CCDC187: variants seen among roughly 807,000 people sequenced by gnomAD.
CCDC187 encodes coiled-coil domain containing 187.
Under a neutral mutation model 38.0 loss-of-function variants are expected in CCDC187, and 32 were observed. That is an observed-to-expected ratio of 0.84 (90% confidence interval 0.64 to 1.13). The LOEUF (loss-of-function observed/expected upper bound fraction) is 1.13, where lower values mean the gene tolerates loss of function less well. Ranked by LOEUF, CCDC187 falls within the 50% of genes most tolerant of loss-of-function variation. The pLI is 0.00. For missense variants in CCDC187, 707 were observed against 786.8 expected (o/e 0.90, Z 1.21); for synonymous variants, 333 against 347.9 (o/e 0.96, Z 0.48).
chr9:136,281,385 A>G (rs1325966540), intron 10 of CCDC187, 166 bp downstream of exon 10: 3 of 398,458 alleles, frequency 7.5e-6, no homozygotes, highest in Non-Finnish European at 1.3e-5. Flanking sequence ...GGGTCCCGAA[A>G]GCCTCTAAAA....
rs1830780806 is a variant in CCDC187, at chr9:136,268,105, C to T, written c.3463G>A (p.Ala1155Thr). The T allele has an allele frequency of 1.0e-6, 1 of 985,502 alleles. No homozygotes were observed. Among genetic ancestry groups the T allele is most frequent in the Middle Eastern group, 5.2e-4 (1 of 1,914 alleles). The allele number at this position is 985,502 out of a possible 1,614,324, so 61.0% of individuals were successfully genotyped here. Residue 1155 changes from alanine to threonine, a missense_variant, in exon 15 of 26, where the codon GCC becomes ACC. Ala to Thr is a moderately conservative substitution (Grantham distance 58, BLOSUM62 0). Transcript: ENST00000638797. ...ASAEVEGPDG[A>T]LSQLPLAKFF... ...TTGGCCAGGGGAAGCTGGGAGAGGG[C>T]TCCGTCAGGGCCCTCCACCTCTGAG...
chr9:136,282,776 A>G (rs1451424616), intron 9 of CCDC187, among the ~76,000 whole-genome samples: 1 of 152,154 alleles, frequency 6.6e-6, no homozygotes, highest in African/African-American at 2.4e-5. Context: ...CCCCGCCCGC[A>G]TTCCTGGTGC....
chr9:136,303,179 C>A lies in CCDC187; in HGVS notation c.258G>T (p.Lys86Asn). Residue 86 changes from lysine (K) to asparagine (N), a missense_variant, in exon 2 of 26, where the codon AAG becomes AAT. Physicochemically the swap from Lys to Asn is moderately conservative, Grantham distance 94. Coordinates refer to ENST00000638797, the MANE Select transcript of CCDC187 (RefSeq NM_001378188.1). ...APHVVGSDDL[K>N]EPGPWGKACS... ...ACGCCTTCCCCCAGGGTCCTGGTTC[C>A]TTGAGGTCGTCAGACCCGACCACGT... The A allele has an allele frequency of 2.5e-6, 1 of 398,630 alleles. No individual in the cohort carries two copies. The highest frequency in any genetic ancestry group is 1.3e-4 in the South Asian group (1 of 7,846). 24.7% of individuals were successfully genotyped at this position (398,630 alleles called of 1,614,324 possible).
At chr9:136,303,331 G>A in intron 1 of CCDC187, 38 bp from the exon 2 acceptor site, 1 of 396,622 alleles carries the variant, frequency 2.5e-6, no homozygotes, top group Admixed American at 4.4e-5. Flanking sequence ...CAGACATGCA[G>A]GCGCAGAGGT....
chr9:136,250,824 G>A lies in CCDC187; in HGVS notation c.*2770C>T, dbSNP rs782731607. Reference sequence around the variant, plus strand: ...GCACCTGGGGCTAAGCAGCCGCCCCGGGGCTGGAGAAGGCAGGCTGGGTCC... The same window carrying A: ...GCACCTGGGGCTAAGCAGCCGCCCCAGGGCTGGAGAAGGCAGGCTGGGTCC... On this transcript the variant is annotated 3_prime_UTR_variant, in exon 26 of 26. Transcript: ENST00000638797. The A allele has an allele frequency of 8.1e-5, 37 of 456,120 alleles. No homozygotes were observed. Among genetic ancestry groups the A allele is most frequent in the Admixed American group, 1.9e-4 (8 of 42,568 alleles). The allele number at this position is 456,120 out of a possible 1,614,324, so 28.3% of individuals were successfully genotyped here. A position where few individuals can be genotyped will look rare whatever the true frequency, so the allele number is the denominator to read the frequency against.
Position 136,262,324 on chromosome 9 carries a change from A to C in CCDC187, c.4051T>G (p.Ser1351Ala). Residue 1351 changes from serine (S) to alanine (A), a missense_variant, in exon 19 of 26, where the codon TCA becomes GCA. Transcript: ENST00000638797. ...CAACCAACTCACCGCGTGGCCTTTG[A>C]GCTTGCGGGGCTGCTCTGGGGGCGA... ...SHRPQSSPAS[S>A]KATRPPTEQQ... The C allele has an allele frequency of 1.0e-6, 1 of 986,386 alleles. No individual in the cohort carries two copies. The highest frequency in any genetic ancestry group is 1.2e-6 in the Non-Finnish European group (1 of 830,788). The allele number at this position is 986,386 out of a possible 1,614,324, so 61.1% of individuals were successfully genotyped here. A position where few individuals can be genotyped will look rare whatever the true frequency, so the allele number is the denominator to read the frequency against.
At chr9:136,275,916 G>A (rs983131289) in intron 12 of CCDC187, among the ~76,000 whole-genome samples, 8 of 152,152 alleles carry the variant, frequency 5.3e-5, no homozygotes, top group Admixed American at 2.0e-4. Context: ...CCTGGGACAC[G>A]GACAGGTGGG....
rs1215598154 is a variant in CCDC187, at chr9:136,258,140, G to A, written c.4366+792C>T. Among the ~76,000 whole-genome samples, 1 of 152,162 alleles carries A rather than the reference G, an allele frequency of 6.6e-6. No homozygotes were observed. Among genetic ancestry groups the A allele is most frequent in the Non-Finnish European group, 1.5e-5 (1 of 68,018 alleles). ...AGGCCCGGAGGTGACGCGGGACACA[G>A]AGGGAAAGCGCTCTGTATTCACTCC... On this transcript the variant is annotated intron_variant, in intron 22 of 25. Transcript: ENST00000638797. This position sits in a 1 kb window ranked among gnomAD's most constrained non-coding sequence, Gnocchi z 4.3.
intron 14 of CCDC187, among the ~76,000 whole-genome samples, chr9:136,272,890 C>T (rs117259868): frequency 3.3e-5 from 5 of 152,132 alleles, no homozygotes; most frequent in Non-Finnish European, 7.4e-5. Flanking sequence ...ACAAACAAAA[C>T]ATTTAAAATA....
intron 14 of CCDC187, among the ~76,000 whole-genome samples, chr9:136,271,186 A>C (rs1307724939): frequency 6.6e-6 from 1 of 152,354 alleles, no homozygotes; most frequent in Non-Finnish European, 1.5e-5. Context: ...TTTGAAGAAA[A>C]TGAAAAATCC....
rs74717029 is a variant in CCDC187 at position 136,250,736 on chromosome 9, C to T, written c.*2858G>A. The T allele has an allele frequency of 8.2e-3, 3,734 of 456,162 alleles. 81 individuals are homozygous for T. Among genetic ancestry groups the T allele is most frequent in the African/African-American group, 0.055 (2,768 of 50,150 alleles). 28.3% of individuals were successfully genotyped at this position (456,162 alleles called of 1,614,324 possible). On this transcript the variant is annotated 3_prime_UTR_variant, in exon 26 of 26. Transcript: ENST00000638797. ...CTGGTGCAAAATCAGATGCATGGCC[C>T]GAGCTGGGCTTCCTGTGCACATGGT...
rs1831732891 is a variant in CCDC187 at position 136,303,224 on chromosome 9, G to A, written c.213C>T (p.Asp71=). ...CCACGTGGGGAGCTGCCCAGGGTGGGTCTGGCTGCTGGGAGGGCCCGGGCC... is the reference window on the plus strand; with the variant it reads ...CCACGTGGGGAGCTGCCCAGGGTGGATCTGGCTGCTGGGAGGGCCCGGGCC... ...LRWPGPSQQP[D]PPWAAPHVVG... The change falls in exon 2 of 26, where the codon GAC becomes GAT. Residue 71 remains aspartate, a synonymous_variant. Coordinates refer to ENST00000638797, the MANE Select transcript of CCDC187 (RefSeq NM_001378188.1). 1 of 398,296 alleles carries A rather than the reference G, an allele frequency of 2.5e-6. No individual in the cohort carries two copies. The allele number at this position is 398,296 out of a possible 1,614,324, so 24.7% of individuals were successfully genotyped here. A position where few individuals can be genotyped will look rare whatever the true frequency, so the allele number is the denominator to read the frequency against.
At chr9:136,283,560 C>T (rs928063697) in intron 9 of CCDC187, among the ~76,000 whole-genome samples, 6 of 152,250 alleles carry the variant, frequency 3.9e-5, no homozygotes, top group Admixed American at 2.0e-4. Context: ...TATGATTCCG[C>T]CTCCTGCTGT....
intron 10 of CCDC187, among the ~76,000 whole-genome samples, chr9:136,280,655 C>T (rs1019580176): frequency 3.9e-4 from 59 of 152,300 alleles, no homozygotes; most frequent in African/African-American, 1.3e-3. Context: ...GCCCCACAGC[C>T]GGGAAGCAGA....
At position 136,290,007 on chromosome 9, in the gene CCDC187, C is replaced by T. The variant is rs926968505; in HGVS notation, c.2174G>A (p.Ser725Asn). ...CAGCACCATGCCAGAGGTCACTTTGCTCCATTCCAGCACTGGGGACTCCAG... is the reference window on the plus strand; with the variant it reads ...CAGCACCATGCCAGAGGTCACTTTGTTCCATTCCAGCACTGGGGACTCCAG... ...GSLESPVLEW[S>N]KVTSGMVLGG... is the part of the protein sequence containing the mutation. The change falls in exon 7 of 26, where the codon AGC becomes AAC. Residue 725 changes from serine to asparagine, a missense_variant. Transcript: ENST00000638797. 2 of 398,338 alleles carry T rather than the reference C, an allele frequency of 5.0e-6. No individual in the cohort carries two copies. Among genetic ancestry groups the T allele is most frequent in the East Asian group, 7.1e-5 (2 of 28,062 alleles). 24.7% of individuals were successfully genotyped at this position (398,338 alleles called of 1,614,324 possible).
intron 18 of CCDC187, among the ~76,000 whole-genome samples, chr9:136,263,203 C>T (rs1248219528): frequency 4.6e-5 from 7 of 151,268 alleles, no homozygotes; most frequent in Non-Finnish European, 3.0e-5. Flanking sequence ...TGCCCCACCC[C>T]ACCCCCCAGC....
intron 10 of CCDC187, among the ~76,000 whole-genome samples, chr9:136,277,621 TCTTC>T (rs1462346429): frequency 6.6e-6 from 1 of 152,160 alleles, no homozygotes; most frequent in African/African-American, 2.4e-5. Flanking sequence ...AACCTCAGCC[TCTTC>T]CTTGGATAGT....
intron 9 of CCDC187, 114 bp downstream of exon 9, chr9:136,285,399 G>C (rs1195204882): frequency 1.2e-5 from 4 of 327,880 alleles, no homozygotes; most frequent in Non-Finnish European, 2.2e-5. Flanking sequence ...TGGGGGTGAA[G>C]TGAGAGGCAG....
At position 136,258,632 on chromosome 9, in the gene CCDC187, G is replaced by A. The variant is rs1830644504; in HGVS notation, c.4366+300C>T. 1.1e-6 allele frequency: 1 copy of A among 903,234 alleles called. No homozygotes were observed. The highest frequency in any genetic ancestry group is 6.2e-5 in the Admixed American group (1 of 16,176). The allele number at this position is 903,234 out of a possible 1,614,324, so 56.0% of individuals were successfully genotyped here. A position where few individuals can be genotyped will look rare whatever the true frequency, so the allele number is the denominator to read the frequency against. The stretch of plus-strand genomic sequence containing the variant: ...CAGCTGAAGACGCTCAGGCAGTGCT[G>A]GCTTCCAAACACTTAAAAATCTGCC... On this transcript the variant is annotated intron_variant, in intron 22 of 25. Coordinates refer to ENST00000638797, the MANE Select transcript of CCDC187 (RefSeq NM_001378188.1). The surrounding 1 kb of genome is among the most constrained non-coding windows in gnomAD (Gnocchi z 4.3).
Sources: allele counts gnomAD v4.1 joint callset (sites outside exome capture counted in the v4.1 genomes callset), GRCh38; gene constraint gnomAD v4.1.1; non-coding constraint Gnocchi (gnomAD v3.1); transcripts MANE v1.5; gene names NCBI Gene and HGNC (gene_info 2026-07-23, HGNC 2026-07-21).